Variants in CHLSN observed in about 807,000 individuals in gnomAD.
CHLSN encodes the protein cholesin.
the CHLSN span, among the ~76,000 whole-genome samples, chr7:999,573 C>T: frequency 5.3e-5 from 8 of 152,164 alleles, no homozygotes; most frequent in African/African-American, 7.2e-5. Context: ...TCTCAAAAAA[C>T]GCCCACAAAA....
At chr7:1,008,751 AACAC>A in the CHLSN span, among the ~76,000 whole-genome samples, 1 of 152,098 alleles carries the variant, frequency 6.6e-6, no homozygotes, top group Admixed American at 6.5e-5. Flanking sequence ...TCCACACATA[AACAC>A]ACACGTGCAT....
the CHLSN span, chr7:987,661 A>C: frequency 3.2e-6 from 3 of 927,696 alleles, no homozygotes; most frequent in Non-Finnish European, 4.7e-6. Flanking sequence ...GGAGGCAATA[A>C]AGGGCGTCCA....
chr7:1,009,031 G>A, the CHLSN span, among the ~76,000 whole-genome samples: 2 of 78,416 alleles, frequency 2.6e-5, no homozygotes, highest in Admixed American at 1.3e-4. Context: ...ATGCACACAC[G>A]TACACACATG....
the CHLSN span, among the ~76,000 whole-genome samples, chr7:1,016,796 CACACA>C: frequency 2.4e-5 from 3 of 124,620 alleles, no homozygotes; most frequent in Admixed American, 7.6e-5. Context: ...CACACAGCAG[CACACA>C]GCAGCACACA....
the CHLSN span, among the ~76,000 whole-genome samples, chr7:996,051 A>G: frequency 6.6e-6 from 1 of 152,206 alleles, no homozygotes; most frequent in Non-Finnish European, 1.5e-5. Context: ...ACCACATCTT[A>G]GCCCAGCCCT....
the CHLSN span, among the ~76,000 whole-genome samples, chr7:1,072,150 G>A: frequency 6.6e-5 from 10 of 152,326 alleles, no homozygotes; most frequent in African/African-American, 2.2e-4. Flanking sequence ...ACCCTCCCAT[G>A]CACACAGAGT....
the CHLSN span, among the ~76,000 whole-genome samples, chr7:1,132,658 C>G: frequency 7.1e-6 from 1 of 140,462 alleles, no homozygotes. Flanking sequence ...TATGCCACTG[C>G]AACCCAGCCT....
the CHLSN span, chr7:1,000,396 C>G: frequency 1.6e-6 from 2 of 1,242,306 alleles, no homozygotes; most frequent in Non-Finnish European, 2.2e-6. Flanking sequence ...CCTCAGCCCC[C>G]GGGGGGACGT....
At chr7:1,080,385 G>A in the CHLSN span, among the ~76,000 whole-genome samples, 8 of 152,344 alleles carry the variant, frequency 5.3e-5, no homozygotes, top group South Asian at 4.1e-4. Context: ...TGGTGTGCAC[G>A]ACGTGACACA....
At chr7:1,129,590 C>T in the CHLSN span, among the ~76,000 whole-genome samples, 4 of 152,226 alleles carry the variant, frequency 2.6e-5, no homozygotes, top group East Asian at 1.9e-4. Context: ...TAACCACAGG[C>T]GCATGCCACC....
At chr7:997,520 C>T in the CHLSN span, 14 of 1,044,520 alleles carry the variant, frequency 1.3e-5, no homozygotes, top group East Asian at 9.5e-5. Context: ...CTTGCTCAGC[C>T]GCTGCCCTGC....
At chr7:1,012,931 C>T in the CHLSN span, among the ~76,000 whole-genome samples, 1 of 152,240 alleles carries the variant, frequency 6.6e-6, no homozygotes, top group Non-Finnish European at 1.5e-5. Flanking sequence ...ACGTGAGCGA[C>T]CTCAGCTATC....
chr7:1,002,692 AGTGGAGCCCTGTGGGTG>A, the CHLSN span, among the ~76,000 whole-genome samples: 1 of 36,866 alleles, frequency 2.7e-5, no homozygotes, highest in Non-Finnish European at 4.5e-5. Context: ...CCTGCGGGTG[AGTGGAGCCCTGTGGGTG>A]AGTGGAGCCC....
chr7:1,075,398 C>T, the CHLSN span, among the ~76,000 whole-genome samples: 1 of 151,702 alleles, frequency 6.6e-6, no homozygotes, highest in Admixed American at 6.6e-5. Context: ...CAGGCAGGCG[C>T]CTGTAATCCC....
chr7:991,968 T>C, the CHLSN span, among the ~76,000 whole-genome samples: 1 of 152,102 alleles, frequency 6.6e-6, no homozygotes, highest in African/African-American at 2.4e-5. Flanking sequence ...TGCCAATGGG[T>C]CCTTTTCAAG....
At chr7:1,070,452 C>T in the CHLSN span, among the ~76,000 whole-genome samples, 6 of 150,202 alleles carry the variant, frequency 4.0e-5, no homozygotes, top group African/African-American at 1.5e-4. Flanking sequence ...GCCCCTCTGC[C>T]CGGCCAGCAC....
At chr7:988,370 G>A in the CHLSN span, 14 of 1,612,652 alleles carry the variant, frequency 8.7e-6, no homozygotes, top group East Asian at 4.5e-5. Context: ...TTTCCTGGAC[G>A]CGAATGGGCA....
At chr7:983,478 T>C in the CHLSN span, 5 of 1,244,718 alleles carry the variant, frequency 4.0e-6, no homozygotes, top group Non-Finnish European at 4.2e-6. Flanking sequence ...TTCCACTGCC[T>C]GTTCCCACAT....
the CHLSN span, among the ~76,000 whole-genome samples, chr7:1,012,425 A>G: frequency 6.6e-6 from 1 of 152,242 alleles, no homozygotes; most frequent in Non-Finnish European, 1.5e-5. Flanking sequence ...GGGGACCCGC[A>G]GGCCCAGCTG....
Sources: gnomAD v4.1 joint callset for allele counts (sites outside exome capture counted in the v4.1 genomes callset) on GRCh38, gnomAD v4.1.1 for gene constraint, MANE v1.5 for transcripts, NCBI Gene and HGNC (gene_info 2026-07-23, HGNC 2026-07-21) for gene names.